The following TTLL11 variants were observed in gnomAD, a reference collection of about 807,000 sequenced individuals.
The protein encoded by TTLL11 is tubulin polyglutamylase TTLL11.
TTLL11 carries 42 observed loss-of-function variants against 51.7 expected under a neutral mutation model. The observed-to-expected ratio is 0.81, with a 90% confidence interval of 0.64 to 1.05. The LOEUF is 1.05. Ranked by LOEUF, TTLL11 falls within the 50% of genes least tolerant of loss-of-function variation. The pLI is 0.00. For synonymous variants in TTLL11, 381 were observed against 383.5 expected (o/e 0.99, Z 0.08); for missense variants, 799 against 940.4 (o/e 0.85, Z 1.97).
At chr9:121,990,312 A>T (rs988393117) in intron 3 of TTLL11, among the ~76,000 whole-genome samples, 4 of 151,836 alleles carry the variant, frequency 2.6e-5, no homozygotes, top group African/African-American at 9.7e-5. Flanking sequence ...GCAGCCTTGG[A>T]CAAGTGACTT....
intron 6 of TTLL11, among the ~76,000 whole-genome samples, chr9:121,925,889 C>T (rs953181935): frequency 6.6e-6 from 1 of 152,228 alleles, no homozygotes; most frequent in African/African-American, 2.4e-5. Context: ...ATCCAGGCCT[C>T]TAATCTCAGG....
At chr9:122,011,282 G>C (rs1407907644) in intron 3 of TTLL11, among the ~76,000 whole-genome samples, 2 of 151,986 alleles carry the variant, frequency 1.3e-5, no homozygotes, top group Non-Finnish European at 1.5e-5. Flanking sequence ...CTCAGTCTCA[G>C]GTATGTCTTT....
In TTLL11 at chr9:122,093,225, C is replaced by G. The variant is rs1413985481; in HGVS notation, c.-77G>C. On this transcript the variant is annotated 5_prime_UTR_variant, in exon 1 of 9. Coordinates refer to ENST00000321582, the MANE Select transcript of TTLL11 (RefSeq NM_001139442.2). ...TCCGCCGCCCCAGTCCGCCACCAAACTGCCGCCGCTGCAGCCGCTGCCACG... is the reference window on the plus strand; with the variant it reads ...TCCGCCGCCCCAGTCCGCCACCAAAGTGCCGCCGCTGCAGCCGCTGCCACG... 6.7e-7 allele frequency: 1 copy of G among 1,492,786 alleles called. No homozygotes were observed. Among genetic ancestry groups the G allele is most frequent in the East Asian group, 2.7e-5 (1 of 36,754 alleles). 92.5% of individuals were successfully genotyped at this position (1,492,786 alleles called of 1,614,324 possible).
intron 4 of TTLL11, among the ~76,000 whole-genome samples, chr9:121,981,938 T>C (rs1185090333): frequency 6.6e-6 from 1 of 152,220 alleles, no homozygotes. Context: ...CAGTTATTCT[T>C]TGTCCAGCTT....
chr9:121,876,655 C>G (rs7046679), intron 6 of TTLL11, among the ~76,000 whole-genome samples: 107,066 of 152,094 alleles, frequency 0.7, 37,922 homozygotes, highest in East Asian at 0.89. Flanking sequence ...ACGCTGGAGA[C>G]GAATAAATCT....
chr9:122,093,100 C>T lies in TTLL11; in HGVS notation c.49G>A (p.Glu17Lys), dbSNP rs1207058666. The stretch of plus-strand genomic sequence containing the variant: ...GCCGCTTTGGCCGCAGCCACCGCCT[C>T]CGCCTCCCACCGGGCCGCCAGCTCG... Reference protein sequence around the residue: ...ESELAARWEAEAVAAAKAAAK... With the variant: ...ESELAARWEAKAVAAAKAAAK... The change falls in exon 1 of 9, where the codon GAG becomes AAG. Residue 17 changes from glutamate (E) to lysine (K), a missense_variant. Physicochemically the swap from Glu to Lys is moderately conservative, Grantham distance 56 (BLOSUM62 1). Coordinates refer to ENST00000321582, the MANE Select transcript of TTLL11 (RefSeq NM_001139442.2). The T allele has an allele frequency of 1.3e-6, 2 of 1,499,808 alleles. No individual in the cohort carries two copies. The highest frequency in any genetic ancestry group is 2.8e-5 in the East Asian group (1 of 36,250). 92.9% of individuals were successfully genotyped at this position (1,499,808 alleles called of 1,614,324 possible).
At chr9:121,898,577 A>C (rs1839636342) in intron 6 of TTLL11, among the ~76,000 whole-genome samples, 1 of 152,220 alleles carries the variant, frequency 6.6e-6, no homozygotes, top group South Asian at 2.1e-4. Context: ...GCAGGGTCCT[A>C]ACGCTCCCAC....
intron 2 of TTLL11, among the ~76,000 whole-genome samples, chr9:122,033,523 C>T (rs1249879889): frequency 6.6e-6 from 1 of 152,134 alleles, no homozygotes; most frequent in Non-Finnish European, 1.5e-5. Context: ...ATGTGCTTGG[C>T]AAAGCTATTT....
At chr9:121,931,127 A>G (rs1456645575) in intron 6 of TTLL11, among the ~76,000 whole-genome samples, 4 of 152,242 alleles carry the variant, frequency 2.6e-5, no homozygotes, top group Non-Finnish European at 5.9e-5. Flanking sequence ...CAGGCCAGCT[A>G]TCTCCCTGCT....
chr9:121,861,675 T>A (rs1163718861), intron 7 of TTLL11, among the ~76,000 whole-genome samples: 1 of 152,102 alleles, frequency 6.6e-6, no homozygotes, highest in Non-Finnish European at 1.5e-5. Context: ...TCCTGGAGTG[T>A]CCAGGCAGCT....
chr9:121,979,528 T>C (rs187835876), intron 4 of TTLL11, among the ~76,000 whole-genome samples: 6 of 152,086 alleles, frequency 3.9e-5, no homozygotes, highest in African/African-American at 1.4e-4. Flanking sequence ...AAGTCAAAAC[T>C]TTCCCTTCAT....
intron 6 of TTLL11, among the ~76,000 whole-genome samples, chr9:121,938,575 T>C (rs1336543162): frequency 2.0e-5 from 3 of 152,136 alleles, no homozygotes; most frequent in Admixed American, 1.3e-4. Context: ...AGAGCATTTC[T>C]ACAAATAAGA....
At chr9:121,900,873 A>G (rs1173861964) in intron 6 of TTLL11, among the ~76,000 whole-genome samples, 3 of 152,018 alleles carry the variant, frequency 2.0e-5, no homozygotes, top group Non-Finnish European at 2.9e-5. Context: ...CAGTGGTACT[A>G]TCACGGCTCA....
intron 8 of TTLL11, among the ~76,000 whole-genome samples, chr9:121,856,262 G>T (rs949614235): frequency 1.3e-5 from 2 of 152,112 alleles, no homozygotes; most frequent in Non-Finnish European, 2.9e-5. Context: ...TAATAGAGAC[G>T]GGGTCTTGCT....
chr9:122,009,738 T>C (rs1373520417), intron 3 of TTLL11, among the ~76,000 whole-genome samples: 2 of 151,882 alleles, frequency 1.3e-5, no homozygotes, highest in Non-Finnish European at 2.9e-5. Flanking sequence ...TATACACACA[T>C]AGCCATTTTA....
chr9:121,949,079 T>A (rs1841771724), intron 6 of TTLL11, among the ~76,000 whole-genome samples: 1 of 152,114 alleles, frequency 6.6e-6, no homozygotes, highest in Admixed American at 6.5e-5. Context: ...AGTCAGACAC[T>A]CTGCCACTCA....
At position 121,991,328 on chromosome 9, in the gene TTLL11, T is replaced by C. The variant is rs374589525; in HGVS notation, c.694-1558A>G. Among the ~76,000 whole-genome samples the C allele has an allele frequency of 5.5e-4, 84 of 152,348 alleles. 2 individuals carry two copies. The South Asian group carries it at 0.017, about 31-fold the overall frequency. On this transcript the variant is annotated intron_variant, in intron 3 of 8. Coordinates refer to ENST00000321582, the MANE Select transcript of TTLL11 (RefSeq NM_001139442.2). ...GGAGAAACACTTAAAGCCTTAATAA[T>C]GGTCCACATCAATTGTTTCCCCTTG...
At chr9:121,931,583 T>TAAAAAAAAAAAAAA (rs1564311677) in intron 6 of TTLL11, among the ~76,000 whole-genome samples, 29 of 103,740 alleles carry the variant, frequency 2.8e-4, no homozygotes, top group Non-Finnish European at 3.4e-4. Flanking sequence ...TTTCTACTAT[T>TAAAAAAAAAAAAAA]TAAAAAAAAA....
intron 8 of TTLL11, among the ~76,000 whole-genome samples, chr9:121,847,833 G>A (rs763260685): frequency 6.6e-6 from 1 of 152,118 alleles, no homozygotes; most frequent in Non-Finnish European, 1.5e-5. Context: ...ACCTAAACCA[G>A]ATAATGATAT....
Sources: allele counts gnomAD v4.1 joint callset (sites outside exome capture counted in the v4.1 genomes callset), GRCh38; gene constraint gnomAD v4.1.1; transcripts MANE v1.5; gene names NCBI Gene and HGNC (gene_info 2026-07-23, HGNC 2026-07-21).